The following GPC6 variants were observed in gnomAD, a reference collection of about 807,000 sequenced individuals.
GPC6 encodes the protein glypican-6.
A neutral mutation model predicts 55.2 loss-of-function variants in GPC6; 14 were observed. The observed-to-expected ratio is 0.25, with a 90% confidence interval of 0.17 to 0.40. The LOEUF (loss-of-function observed/expected upper bound fraction) is 0.40. GPC6 is among the 10% of genes least tolerant of loss of function. The probability of loss-of-function intolerance (pLI) is 1.00; values close to 1 mark genes in which losing one functional copy is unlikely to be tolerated. For synonymous variants in GPC6, 278 were observed against 259.6 expected (o/e 1.07, Z -0.68); for missense variants, 641 against 708.5 (o/e 0.90, Z 1.08).
intron 4 of GPC6, among the ~76,000 whole-genome samples, chr13:94,142,139 G>A (rs1270419657): frequency 6.6e-6 from 1 of 152,164 alleles, no homozygotes; most frequent in Non-Finnish European, 1.5e-5. Flanking sequence ...TTTAGAATCT[G>A]TCCATGTGCC....
At chr13:93,978,320 T>C (rs1880615279) in intron 3 of GPC6, among the ~76,000 whole-genome samples, 1 of 152,286 alleles carries the variant, frequency 6.6e-6, no homozygotes, top group East Asian at 1.9e-4. Flanking sequence ...AATGAATTTG[T>C]TTTGTTTTAT....
Position 94,286,247 on chromosome 13 carries a change from G to A in GPC6, c.878-102G>A, listed in dbSNP as rs139139931. The stretch of plus-strand genomic sequence containing the variant: ...TGAAAGCAAATTTAAAAACGTGAAT[G>A]CACCATTATTTTTCATCCAGTTGTT... On this transcript the variant is annotated intron_variant, in intron 4 of 8. Transcript: ENST00000377047. The A allele has an allele frequency of 1.4e-4, 161 of 1,180,512 alleles. 1 individual carries two copies. In the African/African-American group the frequency reaches 1.6e-3, roughly 12 times the overall value. 73.1% of individuals were successfully genotyped at this position (1,180,512 alleles called of 1,614,324 possible). A position where few individuals can be genotyped will look rare whatever the true frequency, so the allele number is the denominator to read the frequency against.
chr13:93,879,457 A>G (rs1205693690), intron 3 of GPC6, among the ~76,000 whole-genome samples: 2 of 152,062 alleles, frequency 1.3e-5, no homozygotes, highest in Non-Finnish European at 2.9e-5. Flanking sequence ...AAAACAAGCA[A>G]TGGGGAAAGG....
chr13:94,358,665 G>T (rs1311756241), intron 6 of GPC6, among the ~76,000 whole-genome samples: 2 of 152,168 alleles, frequency 1.3e-5, no homozygotes, highest in South Asian at 2.1e-4. Context: ...CAGACTGCAG[G>T]TCTAGTACCT....
chr13:93,501,884 TAC>T (rs897873393), intron 1 of GPC6, among the ~76,000 whole-genome samples: 1 of 152,160 alleles, frequency 6.6e-6, no homozygotes, highest in African/African-American at 2.4e-5. Flanking sequence ...AATTCTTTTT[TAC>T]AGTTTTCAGA....
chr13:93,672,211 GTA>G (rs1424130441), intron 2 of GPC6, among the ~76,000 whole-genome samples: 67 of 147,660 alleles, frequency 4.5e-4, no homozygotes, highest in African/African-American at 1.5e-3. Context: ...GTGTGTGTGT[GTA>G]TATGTGTGTG....
chr13:94,198,318 G>A lies in GPC6; in HGVS notation c.878-88031G>A, dbSNP rs949500018. 4.6e-5 allele frequency among the ~76,000 whole-genome samples: 7 copies of A among 152,300 alleles called. No homozygotes were observed. In the East Asian group the frequency reaches 1.4e-3, roughly 29 times the overall value. On this transcript the variant is annotated intron_variant, in intron 4 of 8. Coordinates refer to ENST00000377047, the MANE Select transcript of GPC6 (RefSeq NM_005708.5). ...AAAAGCTCTAATTCAGCCTCTCTGAGCCTTAGTTTTTCTTTTTATGAATAA... is the reference window on the plus strand; with the variant it reads ...AAAAGCTCTAATTCAGCCTCTCTGAACCTTAGTTTTTCTTTTTATGAATAA...
At chr13:93,837,690 T>C (rs962751289) in intron 3 of GPC6, among the ~76,000 whole-genome samples, 4 of 152,192 alleles carry the variant, frequency 2.6e-5, no homozygotes, top group African/African-American at 9.7e-5. Context: ...ATATGAACAT[T>C]ATTTATGTAA....
At chr13:93,985,818 T>A (rs1013703282) in intron 3 of GPC6, among the ~76,000 whole-genome samples, 4 of 151,846 alleles carry the variant, frequency 2.6e-5, no homozygotes, top group African/African-American at 9.7e-5. Flanking sequence ...TGCCAGGCTA[T>A]AGAAATATGG....
At chr13:93,590,155 A>C (rs1284101789) in intron 2 of GPC6, among the ~76,000 whole-genome samples, 1 of 152,180 alleles carries the variant, frequency 6.6e-6, no homozygotes, top group African/African-American at 2.4e-5. Flanking sequence ...TTAGATTTGC[A>C]ATTATGCTAG....
intron 3 of GPC6, among the ~76,000 whole-genome samples, chr13:93,955,879 G>T (rs1256719736): frequency 6.6e-6 from 1 of 152,138 alleles, no homozygotes; most frequent in Non-Finnish European, 1.5e-5. Flanking sequence ...TGACAGAGAA[G>T]TTAGCACTAA....
intron 6 of GPC6, among the ~76,000 whole-genome samples, chr13:94,368,068 G>C (rs988774090): frequency 5.4e-5 from 8 of 148,830 alleles, no homozygotes; most frequent in Admixed American, 2.7e-4. Flanking sequence ...AGAATCGCTT[G>C]AACCCAGGAG....
intron 3 of GPC6, among the ~76,000 whole-genome samples, chr13:93,856,507 G>A (rs1460557598): frequency 4.6e-5 from 7 of 151,600 alleles, no homozygotes; most frequent in African/African-American, 1.7e-4. Flanking sequence ...GAAATTTGTA[G>A]GGAGCTGTGT....
chr13:94,158,499 A>G (rs972776687), intron 4 of GPC6, among the ~76,000 whole-genome samples: 13 of 152,310 alleles, frequency 8.5e-5, no homozygotes, highest in African/African-American at 3.1e-4. Flanking sequence ...TTAGAAAAAC[A>G]TTCCCAAGGA....
chr13:93,334,175 A>C (rs980539151), intron 1 of GPC6, among the ~76,000 whole-genome samples: 4 of 152,034 alleles, frequency 2.6e-5, no homozygotes, highest in African/African-American at 7.3e-5. Flanking sequence ...CTCTGTAATA[A>C]AGTTTTCTTA....
At chr13:94,029,640 C>T (rs1407555481) in intron 4 of GPC6, among the ~76,000 whole-genome samples, 2 of 152,264 alleles carry the variant, frequency 1.3e-5, no homozygotes, top group East Asian at 3.9e-4. Context: ...ATTCCTAGCA[C>T]AGTTCAGTTG....
chr13:94,279,377 A>AG (rs1491181004), intron 4 of GPC6, among the ~76,000 whole-genome samples: 28 of 24,394 alleles, frequency 1.1e-3, no homozygotes, highest in South Asian at 1.8e-3. Flanking sequence ...GATCTTTTTC[A>AG]AAAAAAAAAA....
intron 2 of GPC6, among the ~76,000 whole-genome samples, chr13:93,643,643 A>G (rs1880053727): frequency 1.3e-5 from 2 of 152,090 alleles, no homozygotes; most frequent in Admixed American, 1.3e-4. Flanking sequence ...GGTAAGGGGA[A>G]AGCATTTTTC....
intron 3 of GPC6, among the ~76,000 whole-genome samples, chr13:93,906,981 G>A (rs1566596878): frequency 6.6e-6 from 1 of 152,112 alleles, no homozygotes; most frequent in Non-Finnish European, 1.5e-5. Flanking sequence ...ATTCAAAGAT[G>A]TAAACATGTG....
Sources: allele counts gnomAD v4.1 joint callset (sites outside exome capture counted in the v4.1 genomes callset), GRCh38; gene constraint gnomAD v4.1.1; transcripts MANE v1.5; gene names NCBI Gene and HGNC (gene_info 2026-07-23, HGNC 2026-07-21).